Variants in TDRD12 observed in about 807,000 individuals in gnomAD.
The protein encoded by TDRD12 is putative ATP-dependent RNA helicase TDRD12.
A neutral mutation model predicts 133.5 loss-of-function variants in TDRD12; 158 were observed. The observed-to-expected ratio is 1.18, with a 90% CI of 1.04 to 1.35. TDRD12 has a LOEUF of 1.35. TDRD12 is among the 40% of genes most tolerant of loss of function. The pLI is 0.00. For synonymous variants in TDRD12, 460 were observed against 477.9 expected, an observed-to-expected ratio of 0.96 and a Z score of 0.49; for missense variants, 1,443 against 1,321.3, an observed-to-expected ratio of 1.09 and a Z score of -1.43.
intron 4 of TDRD12, 105 bp from the exon 5 acceptor site, chr19:32,748,371 T>A: frequency 8.7e-7 from 1 of 1,148,322 alleles, no homozygotes; most frequent in Non-Finnish European, 1.2e-6. Flanking sequence ...CATCACGTGT[T>A]CCATATGTAG....
exon 20 of TDRD12, chr19:32,802,683 T>C: frequency 6.5e-7 from 1 of 1,536,250 alleles, no homozygotes. Context: ...GTCCCACTCT[T>C]GGCCATCACC....
At chr19:32,803,893 A>G (rs1341010492) in intron 21 of TDRD12, among the ~76,000 whole-genome samples, 2 of 151,850 alleles carry the variant, frequency 1.3e-5, no homozygotes, top group African/African-American at 2.4e-5. Context: ...TCTTTTGACC[A>G]GTTTTTACAG....
intron 8 of TDRD12, among the ~76,000 whole-genome samples, chr19:32,772,272 T>C (rs958039758): frequency 1.3e-5 from 2 of 152,194 alleles, no homozygotes; most frequent in Admixed American, 1.3e-4. Context: ...GGGCTTCAAA[T>C]GTGAGCGTCC....
At chr19:32,744,683 G>A (rs1462369432) in intron 4 of TDRD12, among the ~76,000 whole-genome samples, 1 of 151,962 alleles carries the variant, frequency 6.6e-6, no homozygotes, top group Admixed American at 6.6e-5. Flanking sequence ...TCCCTCTCGG[G>A]TGCGGGCGCC....
intron 1 of TDRD12, among the ~76,000 whole-genome samples, chr19:32,723,928 A>G (rs1216127965): frequency 6.6e-6 from 1 of 152,144 alleles, no homozygotes; most frequent in Admixed American, 6.5e-5. Flanking sequence ...TGTAATCACA[A>G]CTTACTGCAA....
intron 16 of TDRD12, among the ~76,000 whole-genome samples, chr19:32,799,034 G>A (rs1971310437): frequency 6.6e-6 from 1 of 152,124 alleles, no homozygotes; most frequent in Admixed American, 6.6e-5. Flanking sequence ...ATTTGTATAC[G>A]TGTGTGGCTA....
exon 10 of TDRD12, chr19:32,827,375 T>TTCTTTTA: frequency 3.6e-6 from 1 of 278,170 alleles, no homozygotes; most frequent in Non-Finnish European, 5.2e-6. Flanking sequence ...TTCTTTTCTT[T>TTCTTTTA]TTTTTTTTTT....
chr19:32,785,478 G>A (rs1052271131), intron 11 of TDRD12, among the ~76,000 whole-genome samples: 13 of 152,084 alleles, frequency 8.5e-5, no homozygotes, highest in African/African-American at 2.9e-4. Flanking sequence ...TATTAGGTCT[G>A]CTTGGTCCAG....
chr19:32,794,882 C>G (rs1181619688), intron 14 of TDRD12, 69 bp downstream of exon 14: 1 of 656,042 alleles, frequency 1.5e-6, no homozygotes, highest in African/African-American at 1.8e-5. Context: ...ATACACCTCA[C>G]CTTTGAGGAA....
At chr19:32,792,976 A>C (rs1971115294) in intron 13 of TDRD12, among the ~76,000 whole-genome samples, 1 of 152,188 alleles carries the variant, frequency 6.6e-6, no homozygotes. Flanking sequence ...GCCTGAGCTC[A>C]GGAGTTCAAG....
chr19:32,738,897 G>A, exon 3 of TDRD12: 1 of 1,551,422 alleles, frequency 6.4e-7, no homozygotes, highest in Middle Eastern at 1.8e-4. Context: ...GCTGGTGCAG[G>A]GCCATTGTCA....
chr19:32,752,891 C>T (rs1200250085), intron 6 of TDRD12, among the ~76,000 whole-genome samples: 1 of 148,994 alleles, frequency 6.7e-6, no homozygotes, highest in Non-Finnish European at 1.5e-5. Flanking sequence ...CTCCTGGGTT[C>T]ATGCCATTCT....
intron 8 of TDRD12, among the ~76,000 whole-genome samples, chr19:32,766,288 T>C (rs1209373540): frequency 6.6e-6 from 1 of 152,212 alleles, no homozygotes; most frequent in Non-Finnish European, 1.5e-5. Flanking sequence ...ACATGAGATA[T>C]TTTGATACAG....
chr19:32,733,610 A>G (rs184189824), intron 2 of TDRD12, among the ~76,000 whole-genome samples: 1 of 152,242 alleles, frequency 6.6e-6, no homozygotes, highest in East Asian at 1.9e-4. Context: ...TTGAGAGATG[A>G]TGTTTTCAGT....
At chr19:32,729,792 T>G (rs1475602090) in intron 1 of TDRD12, among the ~76,000 whole-genome samples, 14 of 123,570 alleles carry the variant, frequency 1.1e-4, no homozygotes, top group Middle Eastern at 3.7e-3. Context: ...TTTTTTTTTT[T>G]TTTTTTTTTT....
intron 11 of TDRD12, among the ~76,000 whole-genome samples, chr19:32,781,453 T>C (rs2145631922): frequency 6.6e-6 from 1 of 152,350 alleles, no homozygotes; most frequent in South Asian, 2.1e-4. Context: ...ATCCATCTTC[T>C]TCTTACTTGG....
At chr19:32,728,747 T>A (rs1968940743) in intron 1 of TDRD12, among the ~76,000 whole-genome samples, 1 of 148,226 alleles carries the variant, frequency 6.7e-6, no homozygotes, top group Non-Finnish European at 1.5e-5. Context: ...CTGGGTTCAC[T>A]CCATTCTTCT....
chr19:32,824,036 C>A (rs1046333313), downstream of TDRD12: 1 of 152,432 alleles, frequency 6.6e-6, no homozygotes, highest in African/African-American at 2.4e-5. Flanking sequence ...CCACTGCAGC[C>A]ACCAGGCACT....
chr19:32,802,886 G>A, intron 20 of TDRD12, 36 bp from the exon 21 acceptor site: 2 of 1,528,746 alleles, frequency 1.3e-6, no homozygotes, highest in Non-Finnish European at 1.8e-6. Flanking sequence ...GACTGGGATA[G>A]ATGATCCACT....
Sources: gnomAD v4.1 joint callset for allele counts (sites outside exome capture counted in the v4.1 genomes callset) on GRCh38, gnomAD v4.1.1 for gene constraint, MANE v1.5 for transcripts, NCBI Gene and HGNC (gene_info 2026-07-23, HGNC 2026-07-21) for gene names.